BBS9: variants seen among roughly 807,000 people sequenced by gnomAD.
BBS9 encodes the protein Bardet-Biedl syndrome 9, also known as protein PTHB1.
BBS9 carries 89 observed loss-of-function variants against 117.7 expected under a neutral mutation model. That is an observed-to-expected ratio of 0.76 (90% CI 0.64 to 0.90). The LOEUF is 0.90. Among genes scored for constraint, BBS9 ranks in the 40% least tolerant of loss-of-function variants. BBS9 has a pLI of 0.00. For synonymous variants in BBS9, 379 were observed against 370.9 expected, an observed-to-expected ratio of 1.02 and a Z score of -0.25; for missense variants, 982 against 1,042.2, an observed-to-expected ratio of 0.94 and a Z score of 0.80.
chr7:33,529,497 C>A (rs375337921), intron 20 of BBS9, among the ~76,000 whole-genome samples: 1 of 128 alleles, frequency 7.8e-3, no homozygotes, highest in Non-Finnish European at 0.015. Context: ...CCAAAAAATC[C>A]CCACAAAACC....
At chr7:33,618,138 GA>G (rs1327735517) in intron 21 of BBS9, among the ~76,000 whole-genome samples, 56 of 152,230 alleles carry the variant, frequency 3.7e-4, no homozygotes, top group Middle Eastern at 3.4e-3. Flanking sequence ...CCAGGAATTA[GA>G]GACCAACCTG....
rs548480280 is a variant in BBS9 at position 33,628,479 on chromosome 7, G to A, written c.2522-6698G>A. Among the ~76,000 whole-genome samples, 13 of 152,302 alleles carry A rather than the reference G, an allele frequency of 8.5e-5. 1 individual carries two copies. The South Asian group carries it at 2.7e-3, about 32-fold the overall frequency. ...GATTATCTCAGTAGATGCAGCAGGA[G>A]CATTTGATGAAATTCAGTACCTATT... On this transcript the variant is annotated intron_variant, in intron 21 of 21. Transcript: ENST00000671952.
intron 5 of BBS9, among the ~76,000 whole-genome samples, chr7:33,208,228 C>G (rs1787331981): frequency 6.6e-6 from 1 of 152,200 alleles, no homozygotes; most frequent in African/African-American, 2.4e-5. Context: ...AAGTGAATAT[C>G]TGGCTCTCAA....
intron 9 of BBS9, among the ~76,000 whole-genome samples, chr7:33,283,731 A>T (rs1282561227): frequency 1.3e-5 from 2 of 152,044 alleles, no homozygotes; most frequent in East Asian, 3.9e-4. Flanking sequence ...CAATTTCCAC[A>T]CATACATCTC....
At chr7:33,510,006 A>G (rs999577268) in intron 20 of BBS9, among the ~76,000 whole-genome samples, 1 of 152,104 alleles carries the variant, frequency 6.6e-6, no homozygotes, top group African/African-American at 2.4e-5. Context: ...AAAGTGCTCA[A>G]AGTTATATGG....
intron 5 of BBS9, among the ~76,000 whole-genome samples, chr7:33,181,227 C>T (rs545695235): frequency 6.7e-4 from 102 of 152,216 alleles, no homozygotes; most frequent in African/African-American, 2.4e-3. Flanking sequence ...TGCAAGGAGC[C>T]TTCTGCAGGT....
At chr7:33,366,418 C>T (rs1415427600) in intron 16 of BBS9, among the ~76,000 whole-genome samples, 1 of 145,906 alleles carries the variant, frequency 6.9e-6, no homozygotes, top group Non-Finnish European at 1.5e-5. Context: ...GTTTGAATAG[C>T]TGTCTTTCTC....
chr7:33,383,295 A>G (rs1219990005), intron 17 of BBS9, among the ~76,000 whole-genome samples: 5 of 152,194 alleles, frequency 3.3e-5, no homozygotes, highest in African/African-American at 1.2e-4. Flanking sequence ...AGTATTTTGA[A>G]ATGATACTAA....
chr7:33,532,144 C>T (rs1040463114), intron 20 of BBS9, among the ~76,000 whole-genome samples: 2 of 152,230 alleles, frequency 1.3e-5, no homozygotes, highest in African/African-American at 4.8e-5. Flanking sequence ...ACCCATCAAC[C>T]CTTGGATGGC....
intron 19 of BBS9, among the ~76,000 whole-genome samples, chr7:33,404,472 A>G (rs962298088): frequency 3.2e-4 from 48 of 152,234 alleles, no homozygotes; most frequent in African/African-American, 1.0e-3. Flanking sequence ...CTTCCTACCC[A>G]TGAGCATGGA....
intron 5 of BBS9, among the ~76,000 whole-genome samples, chr7:33,247,323 C>T (rs1045847118): frequency 1.3e-5 from 2 of 152,060 alleles, no homozygotes; most frequent in Non-Finnish European, 2.9e-5. Flanking sequence ...CATTACTTTA[C>T]AGTTGAGGAA....
chr7:33,443,646 T>C (rs1362231), intron 19 of BBS9, among the ~76,000 whole-genome samples: 135,787 of 152,246 alleles, frequency 0.89, 60,758 homozygotes, highest in African/African-American at 0.97. Context: ...ATAAAAAAGA[T>C]GAAAATAACT....
At chr7:33,490,090 T>C (rs1486046443) in intron 19 of BBS9, among the ~76,000 whole-genome samples, 1 of 152,214 alleles carries the variant, frequency 6.6e-6, no homozygotes, top group East Asian at 1.9e-4. Context: ...AACTAGAAAG[T>C]GAGTTATTTT....
chr7:33,170,133 G>A (rs544911803), intron 4 of BBS9, among the ~76,000 whole-genome samples: 22 of 151,594 alleles, frequency 1.5e-4, no homozygotes, highest in African/African-American at 5.1e-4. Flanking sequence ...ACCAAAGCCT[G>A]GAAGAGACAC....
At chr7:33,489,360 ATT>A (rs1038510675) in intron 19 of BBS9, among the ~76,000 whole-genome samples, 1 of 142,046 alleles carries the variant, frequency 7.0e-6, no homozygotes, top group African/African-American at 2.6e-5. Flanking sequence ...TTTTGCTGAA[ATT>A]GAGTTTTCTC....
intron 5 of BBS9, among the ~76,000 whole-genome samples, chr7:33,213,262 C>T (rs776275217): frequency 6.6e-6 from 1 of 152,226 alleles, no homozygotes; most frequent in Non-Finnish European, 1.5e-5. Context: ...GTGGGCACCA[C>T]TACCACTGGC....
chr7:33,468,443 G>A (rs190678187), intron 19 of BBS9, among the ~76,000 whole-genome samples: 1 of 152,148 alleles, frequency 6.6e-6, no homozygotes, highest in East Asian at 1.9e-4. Context: ...GTGATATTTT[G>A]ATACATGTAT....
intron 5 of BBS9, 152 bp from the exon 6 acceptor site, chr7:33,257,084 T>TC: frequency 2.1e-6 from 1 of 481,310 alleles, no homozygotes. Flanking sequence ...TTGGTATTTT[T>TC]CACTATTAGT....
intron 4 of BBS9, among the ~76,000 whole-genome samples, chr7:33,165,158 C>G (rs1795466208): frequency 6.6e-6 from 1 of 152,138 alleles, no homozygotes; most frequent in South Asian, 2.1e-4. Context: ...ATATTGTCCC[C>G]CACTCTCTTC....
Sources: allele counts gnomAD v4.1 joint callset (sites outside exome capture counted in the v4.1 genomes callset), GRCh38; gene constraint gnomAD v4.1.1; transcripts MANE v1.5; gene names NCBI Gene and HGNC (gene_info 2026-07-23, HGNC 2026-07-21).